The following CCDC61 variants were observed in gnomAD, a reference collection of about 807,000 sequenced individuals.
CCDC61 encodes the protein coiled-coil domain containing 61, also known as centrosomal protein CCDC61.
A neutral mutation model predicts 63.0 loss-of-function variants in CCDC61; 55 were observed. That is an observed-to-expected ratio of 0.87 (90% CI 0.70 to 1.09). The LOEUF is 1.09. CCDC61 is among the 50% of genes least tolerant of loss of function. CCDC61 has a pLI of 0.00. For missense variants in CCDC61, 651 were observed against 731.4 expected (o/e 0.89, Z 1.27); for synonymous variants, 270 against 317.0 (o/e 0.85, Z 1.58).
intron 11 of CCDC61, 73 bp downstream of exon 11, chr19:46,017,142 G>A: frequency 6.5e-7 from 1 of 1,547,974 alleles, no homozygotes; most frequent in Non-Finnish European, 8.8e-7. Context: ...CTTTTGCAGG[G>A]AAATTGGGTG....
intron 1 of CCDC61, among the ~76,000 whole-genome samples, chr19:45,996,559 C>G (rs1968496564): frequency 6.6e-6 from 1 of 152,010 alleles, no homozygotes; most frequent in African/African-American, 2.4e-5. Context: ...CCACCACACC[C>G]AGCTAATTGT....
intron 2 of CCDC61, 63 bp from the exon 3 acceptor site, chr19:46,003,356 G>A (rs1280634616): frequency 1.2e-5 from 19 of 1,523,536 alleles, no homozygotes; most frequent in Non-Finnish European, 1.6e-5. Flanking sequence ...GCAGAGCTTA[G>A]GTGCATTGCC....
At chr19:45,997,414 T>C (rs996422923) in intron 1 of CCDC61, among the ~76,000 whole-genome samples, 4 of 152,164 alleles carry the variant, frequency 2.6e-5, no homozygotes, top group Non-Finnish European at 4.4e-5. Flanking sequence ...TTTTTTGAGA[T>C]GGACTCTTGC....
At position 46,016,766 on chromosome 19, in the gene CCDC61, C is replaced by T; in HGVS notation, c.1164C>T (p.Thr388=). The change falls in exon 10 of 14, where the codon ACC becomes ACT. Residue 388 remains threonine (T), a synonymous_variant. Coordinates refer to ENST00000595358, the MANE Select transcript of CCDC61 (RefSeq NM_001267723.2). This position sits in a 1 kb window ranked among gnomAD's most constrained non-coding sequence, Gnocchi z 7.2. Reference sequence around the variant, plus strand: ...CGTCCGTCTCCTGGTCTCGCCAGACCCAGCCCCCTGCTGCCTTGACTGGCC... The same window carrying T: ...CGTCCGTCTCCTGGTCTCGCCAGACTCAGCCCCCTGCTGCCTTGACTGGCC... The part of the protein sequence containing the change: ...DGPSVSWSRQ[T]QPPAALTGRG... The T allele has an allele frequency of 6.3e-7, 1 of 1,577,748 alleles. No individual in the cohort carries two copies. Among genetic ancestry groups the T allele is most frequent in the Non-Finnish European group, 8.6e-7 (1 of 1,162,644 alleles).
intron 5 of CCDC61, among the ~76,000 whole-genome samples, chr19:46,010,925 T>A (rs1213664821): frequency 6.6e-6 from 1 of 152,240 alleles, no homozygotes; most frequent in Non-Finnish European, 1.5e-5. Flanking sequence ...TGAAACCCAC[T>A]GCGTATGCGT....
chr19:46,010,298 C>T (rs988128966), intron 5 of CCDC61, among the ~76,000 whole-genome samples: 10 of 152,198 alleles, frequency 6.6e-5, no homozygotes, highest in African/African-American at 1.4e-4. Context: ...GCAGGGCGCC[C>T]GGCCACGCAG....
At position 46,003,182 on chromosome 19, in the gene CCDC61, T is replaced by G; in HGVS notation, c.148+16T>G. On this transcript the variant is annotated intron_variant, in intron 2 of 13. Coordinates refer to ENST00000595358, the MANE Select transcript of CCDC61 (RefSeq NM_001267723.2). Reference sequence around the variant, plus strand: ...GATGCTGGCTGTGAGTGTGCCTGCCTGGGGTGGGCTCACCTTTCCTCTCCT... The same window carrying G: ...GATGCTGGCTGTGAGTGTGCCTGCCGGGGGTGGGCTCACCTTTCCTCTCCT... 6.3e-7 allele frequency: 1 copy of G among 1,595,488 alleles called. No individual in the cohort carries two copies. Among genetic ancestry groups the G allele is most frequent in the Non-Finnish European group, 8.6e-7 (1 of 1,168,814 alleles).
chr19:46,001,948 T>A (rs1052060236), intron 1 of CCDC61, among the ~76,000 whole-genome samples: 5 of 152,180 alleles, frequency 3.3e-5, no homozygotes, highest in African/African-American at 1.2e-4. Context: ...GATATTAGAT[T>A]TTATTTTATT....
chr19:45,996,112 G>A (rs1439570236), intron 1 of CCDC61: 2 of 154,328 alleles, frequency 1.3e-5, no homozygotes, highest in Non-Finnish European at 2.9e-5. Context: ...GATCATTACT[G>A]TGGCTTTGGG....
intron 5 of CCDC61, 76 bp downstream of exon 5, chr19:46,008,377 C>A: frequency 8.8e-7 from 1 of 1,140,492 alleles, no homozygotes; most frequent in Non-Finnish European, 1.2e-6. Context: ...ATGCTCGGTC[C>A]TGTGGGGAGG....
At chr19:45,995,966 C>A (rs750274387) in intron 1 of CCDC61, among the ~76,000 whole-genome samples, 1 of 152,170 alleles carries the variant, frequency 6.6e-6, no homozygotes, top group Non-Finnish European at 1.5e-5. Flanking sequence ...CCTATTATGC[C>A]TGTGGCGTTT....
chr19:46,018,566 C>A lies in CCDC61; in HGVS notation c.*179C>A. ...CTGCCCTCTCCCCAGGCAGTGCATG[C>A]TGGGAGGGAGGATGTGTGCATTTTG... On this transcript the variant is annotated 3_prime_UTR_variant, in exon 14 of 14. Coordinates refer to ENST00000595358, the MANE Select transcript of CCDC61 (RefSeq NM_001267723.2). This position sits in a 1 kb window ranked among gnomAD's most constrained non-coding sequence, Gnocchi z 4.2. The A allele has an allele frequency of 1.7e-6, 1 of 582,524 alleles. No homozygotes were observed. Among genetic ancestry groups the A allele is most frequent in the Non-Finnish European group, 3.1e-6 (1 of 322,416 alleles). 36.1% of individuals were successfully genotyped at this position (582,524 alleles called of 1,614,324 possible). A position where few individuals can be genotyped will look rare whatever the true frequency, so the allele number is the denominator to read the frequency against.
intron 1 of CCDC61, among the ~76,000 whole-genome samples, chr19:45,997,648 C>T (rs553710270): frequency 6.6e-6 from 1 of 151,430 alleles, no homozygotes; most frequent in African/African-American, 2.4e-5. Context: ...ACCTCAGCCT[C>T]CCAAAGTGCT....
chr19:46,017,214 C>T, intron 11 of CCDC61, 33 bp from the exon 12 acceptor site: 1 of 1,553,638 alleles, frequency 6.4e-7, no homozygotes, highest in Non-Finnish European at 8.7e-7. Flanking sequence ...AGAGCCTCCC[C>T]ACCACTGGTC....
intron 5 of CCDC61, among the ~76,000 whole-genome samples, chr19:46,010,896 A>G (rs1474286172): frequency 6.6e-6 from 1 of 152,166 alleles, no homozygotes; most frequent in Non-Finnish European, 1.5e-5. Context: ...AAAATTCACA[A>G]AAATTCCAGG....
At chr19:46,013,880 AAAG>A (rs2146482263) in intron 5 of CCDC61, among the ~76,000 whole-genome samples, 1 of 152,232 alleles carries the variant, frequency 6.6e-6, no homozygotes, top group East Asian at 1.9e-4. Context: ...AAAAAAAAAA[AAAG>A]ATTTCTTTGC....
intron 12 of CCDC61, among the ~76,000 whole-genome samples, chr19:46,017,550 G>C (rs74556344): frequency 0.024 from 3,655 of 151,880 alleles, 125 homozygotes; most frequent in African/African-American, 0.067. Flanking sequence ...GGCTTTTTTG[G>C]GGGGGCAGGG....
At position 46,013,607 on chromosome 19, in the gene CCDC61, G is replaced by A. The variant is rs538072704; in HGVS notation, c.552-1442G>A. ...TCCAGGGCCGGGTGCGGTGGCTCAC[G>A]CCTGTAATCCCAGCACATTGGGAGG... On this transcript the variant is annotated intron_variant, in intron 5 of 13. Coordinates refer to ENST00000595358, the MANE Select transcript of CCDC61 (RefSeq NM_001267723.2). Among the ~76,000 whole-genome samples, 397 of 152,048 alleles carry A rather than the reference G, an allele frequency of 2.6e-3. 2 individuals are homozygous for A. Among genetic ancestry groups the A allele is most frequent in the Middle Eastern group, 0.02 (6 of 294 alleles).
At position 46,018,033 on chromosome 19, in the gene CCDC61, A is replaced by G; in HGVS notation, c.1369-45A>G. On this transcript the variant is annotated intron_variant, in intron 12 of 13. Coordinates refer to ENST00000595358, the MANE Select transcript of CCDC61 (RefSeq NM_001267723.2). This position sits in a 1 kb window ranked among gnomAD's most constrained non-coding sequence, Gnocchi z 4.2. ...CAGTGGGATTTAGGGGGACAGAAATAGAGGGACGGTGGGTGACCCCCTTTC... is the reference window on the plus strand; with the variant it reads ...CAGTGGGATTTAGGGGGACAGAAATGGAGGGACGGTGGGTGACCCCCTTTC... 1 of 1,523,666 alleles carries G rather than the reference A, an allele frequency of 6.6e-7. No individual in the cohort carries two copies. The highest frequency in any genetic ancestry group is 8.9e-7 in the Non-Finnish European group (1 of 1,120,792). 94.4% of individuals were successfully genotyped at this position (1,523,666 alleles called of 1,614,324 possible).
Sources: allele counts gnomAD v4.1 joint callset (sites outside exome capture counted in the v4.1 genomes callset), GRCh38; gene constraint gnomAD v4.1.1; non-coding constraint Gnocchi (gnomAD v3.1); transcripts MANE v1.5; gene names NCBI Gene and HGNC (gene_info 2026-07-23, HGNC 2026-07-21).